The following GNA12 variants were observed in gnomAD, a reference collection of about 807,000 sequenced individuals.
The protein encoded by GNA12 is G protein subunit alpha 12, also known as guanine nucleotide-binding protein subunit alpha-12.
A neutral mutation model predicts 26.0 loss-of-function variants in GNA12; 9 were observed. The ratio of observed to expected loss-of-function variants is 0.35; its 90% CI spans 0.21 to 0.60. The LOEUF (loss-of-function observed/expected upper bound fraction) is 0.60, where lower values mean the gene tolerates loss of function less well. GNA12 is among the 20% of genes least tolerant of loss of function. The pLI is 0.78. For missense variants in GNA12, 405 were observed against 525.8 expected (o/e 0.77, Z 2.25); for synonymous variants, 264 against 219.6 (o/e 1.20, Z -1.79).
chr7:2,770,207 C>G lies in GNA12; in HGVS notation c.525+24721G>C, dbSNP rs577618503. ...CCATAATATACTATAAACAGGATAA[C>G]CATATGCCCCACTTGCCCTGGAGAG... On this transcript the variant is annotated intron_variant, in intron 2 of 3. Coordinates refer to ENST00000275364, the MANE Select transcript of GNA12 (RefSeq NM_007353.3). Among the ~76,000 whole-genome samples, 9 of 152,300 alleles carry G rather than the reference C, an allele frequency of 5.9e-5. 1 individual carries two copies. In the South Asian group the frequency reaches 1.7e-3, roughly 28 times the overall value.
At chr7:2,746,280 A>G (rs1201136117) in intron 2 of GNA12, among the ~76,000 whole-genome samples, 1 of 152,148 alleles carries the variant, frequency 6.6e-6, no homozygotes, top group Non-Finnish European at 1.5e-5. Context: ...GAAGTAAAGC[A>G]CTCCTCAGCA....
intron 1 of GNA12, among the ~76,000 whole-genome samples, chr7:2,834,979 T>C (rs551602905): frequency 3.3e-5 from 5 of 151,538 alleles, no homozygotes; most frequent in Non-Finnish European, 5.9e-5. Flanking sequence ...GACTATACAT[T>C]GCGATGCGTG....
intron 2 of GNA12, among the ~76,000 whole-genome samples, chr7:2,766,773 A>G (rs955502866): frequency 9.9e-5 from 15 of 152,182 alleles, no homozygotes; most frequent in Admixed American, 7.2e-4. Context: ...ATTCTTCTGG[A>G]TAAATACCCC....
chr7:2,752,876 C>T (rs752334401), intron 2 of GNA12, among the ~76,000 whole-genome samples: 1 of 152,162 alleles, frequency 6.6e-6, no homozygotes, highest in African/African-American at 2.4e-5. Context: ...AGGGAACTGA[C>T]GTTAGTACAA....
chr7:2,771,853 C>T (rs575308923), intron 2 of GNA12, among the ~76,000 whole-genome samples: 12 of 152,288 alleles, frequency 7.9e-5, no homozygotes, highest in Non-Finnish European at 1.0e-4. Flanking sequence ...GAAAGTGCCC[C>T]GCTTTTCCAA....
At chr7:2,736,347 C>G (rs1395804202) in intron 2 of GNA12, among the ~76,000 whole-genome samples, 2 of 152,132 alleles carry the variant, frequency 1.3e-5, no homozygotes, top group African/African-American at 4.8e-5. Flanking sequence ...CTACACCACT[C>G]AAGATTAACA....
At chr7:2,814,182 C>T (rs753275363) in intron 1 of GNA12, 69 of 641,546 alleles carry the variant, frequency 1.1e-4, no homozygotes, top group Non-Finnish European at 1.6e-4. Flanking sequence ...CCCAGAATCA[C>T]GTGAGTGAAA....
At chr7:2,776,907 G>A (rs1792091841) in intron 2 of GNA12, among the ~76,000 whole-genome samples, 1 of 152,168 alleles carries the variant, frequency 6.6e-6, no homozygotes, top group South Asian at 2.1e-4. Context: ...CTGTGACTGT[G>A]CAGCTGTGCT....
chr7:2,755,977 A>C (rs1019890920), intron 2 of GNA12, among the ~76,000 whole-genome samples: 3 of 152,244 alleles, frequency 2.0e-5, no homozygotes, highest in Non-Finnish European at 4.4e-5. Flanking sequence ...GCTCATTTTA[A>C]AATTTATCTC....
Position 2,731,333 on chromosome 7 carries a change from C to T in GNA12, c.994G>A (p.Val332Ile), listed in dbSNP as rs1789882516. 6.2e-7 allele frequency: 1 copy of T among 1,613,722 alleles called. No individual in the cohort carries two copies. The highest frequency in any genetic ancestry group is 8.5e-7 in the Non-Finnish European group (1 of 1,179,900). ...CGTCTCTTCCTGTCGAAGCACTGGACCAGGTAGCGCTGGACGTCCTCCAGC... is the reference window on the plus strand; with the variant it reads ...CGTCTCTTCCTGTCGAAGCACTGGATCAGGTAGCGCTGGACGTCCTCCAGC... ...HRLEDVQRYL[V>I]QCFDRKRRNR... The change falls in exon 4 of 4, where the codon GTC becomes ATC. Residue 332 changes from valine to isoleucine, a missense_variant. By Grantham distance (29) the Val-to-Ile change is conservative. Transcript: ENST00000275364. The surrounding 1 kb of genome is among the most constrained non-coding windows in gnomAD (Gnocchi z 6.0).
At chr7:2,746,302 A>T (rs1179181072) in intron 2 of GNA12, among the ~76,000 whole-genome samples, 2 of 152,268 alleles carry the variant, frequency 1.3e-5, no homozygotes, top group Non-Finnish European at 2.9e-5. Flanking sequence ...ATGTAAAAGA[A>T]CAGAAATTAT....
chr7:2,806,728 G>T (rs935569224), intron 1 of GNA12, among the ~76,000 whole-genome samples: 4 of 152,114 alleles, frequency 2.6e-5, no homozygotes, highest in African/African-American at 9.7e-5. Flanking sequence ...AAGATTTCAA[G>T]ATCTGTAATG....
At chr7:2,763,214 A>C in intron 2 of GNA12, 1 of 431,036 alleles carries the variant, frequency 2.3e-6, no homozygotes. Flanking sequence ...ACACACACAC[A>C]CACACACACA....
At chr7:2,780,051 CATATAT>C (rs3996399) in intron 2 of GNA12, among the ~76,000 whole-genome samples, 1,980 of 62,018 alleles carry the variant, frequency 0.032, 38 homozygotes, top group East Asian at 0.047. Context: ...TTTCTGTGTA[CATATAT>C]ATATATATAT....
At chr7:2,834,886 T>A (rs545183664) in intron 1 of GNA12, among the ~76,000 whole-genome samples, 2 of 152,214 alleles carry the variant, frequency 1.3e-5, no homozygotes, top group African/African-American at 4.8e-5. Context: ...CTAGGATGTT[T>A]GCGTAAGAAC....
Position 2,733,466 on chromosome 7 carries a change from G to C in GNA12, c.561C>G (p.Asp187Glu), listed in dbSNP as rs368804687. The part of the protein sequence containing the change: ...ESVKYFLDNL[D>E]RIGQLNYFPS... ...GCTTACTCACCAGCTGGCCGATCCG[G>C]TCCAAGTTGTCCAGGAAGTACTTCA... Residue 187 changes from aspartate to glutamate, a missense_variant, in exon 3 of 4, where the codon GAC becomes GAG. Transcript: ENST00000275364. 1.2e-6 allele frequency: 2 copies of C among 1,613,778 alleles called. No homozygotes were observed. The highest frequency in any genetic ancestry group is 2.7e-5 in the African/African-American group (2 of 74,884).
intron 2 of GNA12, among the ~76,000 whole-genome samples, chr7:2,741,521 G>C (rs1790503416): frequency 6.6e-6 from 1 of 152,164 alleles, no homozygotes. Flanking sequence ...ATTCACAGCA[G>C]AATTCCAGCC....
chr7:2,777,804 A>T (rs1792116301), intron 2 of GNA12, among the ~76,000 whole-genome samples: 1 of 152,250 alleles, frequency 6.6e-6, no homozygotes, highest in Non-Finnish European at 1.5e-5. Flanking sequence ...AGAAAACATG[A>T]TGAAAATACT....
rs367724356 is a variant in GNA12 at position 2,794,863 on chromosome 7, C to T, written c.525+65G>A. The T allele has an allele frequency of 4.7e-5, 54 of 1,141,886 alleles. 1 individual carries two copies. In the African/African-American group the frequency reaches 5.8e-4, roughly 12 times the overall value. 70.7% of individuals were successfully genotyped at this position (1,141,886 alleles called of 1,614,324 possible). ...ACAGTTTTTAAGGAAATTCAACTAA[C>T]GGTCCAAAATAGTCATGTAAAAAAC... is the stretch of plus-strand genomic sequence containing the variant. On this transcript the variant is annotated intron_variant, in intron 2 of 3. Transcript: ENST00000275364.
Sources: gnomAD v4.1 joint callset for allele counts (sites outside exome capture counted in the v4.1 genomes callset) on GRCh38, gnomAD v4.1.1 for gene constraint, Gnocchi (gnomAD v3.1) non-coding constraint, MANE v1.5 for transcripts, NCBI Gene and HGNC (gene_info 2026-07-23, HGNC 2026-07-21) for gene names.